Variants in TPX2 observed in about 807,000 individuals in gnomAD.
TPX2 encodes the protein targeting protein for Xklp2.
Under a neutral mutation model 93.6 loss-of-function variants are expected in TPX2, and 21 were observed. The observed-to-expected ratio is 0.22, with a 90% confidence interval of 0.16 to 0.32. The LOEUF (loss-of-function observed/expected upper bound fraction) is 0.32, where lower values mean the gene tolerates loss of function less well. TPX2 is among the 10% of genes least tolerant of loss of function. The pLI is 1.00. For synonymous variants in TPX2, 281 were observed against 298.3 expected (o/e 0.94, Z 0.60); for missense variants, 776 against 871.1 (o/e 0.89, Z 1.37).
At chr20:31,792,974 A>AT (rs1052207909) in intron 13 of TPX2, 144 bp downstream of exon 13, 22 of 711,020 alleles carry the variant, frequency 3.1e-5, no homozygotes, top group South Asian at 5.7e-5. Context: ...ACATTTGTTC[A>AT]TTTTTTTTGT....
intron 2 of TPX2, among the ~76,000 whole-genome samples, chr20:31,755,685 C>T (rs1316510975): frequency 3.3e-5 from 5 of 151,516 alleles, no homozygotes; most frequent in Admixed American, 6.6e-5. Context: ...TGCTTGAACC[C>T]GGAAGGCAGA....
At chr20:31,780,396 A>G (rs569599945) in intron 10 of TPX2, among the ~76,000 whole-genome samples, 5 of 152,186 alleles carry the variant, frequency 3.3e-5, no homozygotes, top group African/African-American at 1.2e-4. Flanking sequence ...TAGTGGCCAA[A>G]ATGATTTTGT....
At chr20:31,762,555 G>A (rs553539226) in intron 4 of TPX2, among the ~76,000 whole-genome samples, 18 of 151,916 alleles carry the variant, frequency 1.2e-4, no homozygotes, top group African/African-American at 3.9e-4. Context: ...TCGTGATGTC[G>A]GTCAGGCTGG....
chr20:31,766,993 G>A (rs1164670826), intron 5 of TPX2, among the ~76,000 whole-genome samples: 2 of 151,652 alleles, frequency 1.3e-5, no homozygotes, highest in Non-Finnish European at 2.9e-5. Flanking sequence ...GTAGAGATAG[G>A]GTTTTGCCAT....
Position 31,783,968 on chromosome 20 carries a change from C to T in TPX2, c.1413+47C>T, listed in dbSNP as rs554311248. ...CTGGCAGAAGTGTACTGCTCATGAC[C>T]AGATATCCACCCATTCACACAAAAG... On this transcript the variant is annotated intron_variant, in intron 12 of 17. Coordinates refer to ENST00000300403, the MANE Select transcript of TPX2 (RefSeq NM_012112.5). 84 of 1,587,004 alleles carry T rather than the reference C, an allele frequency of 5.3e-5. 1 individual carries two copies. The South Asian group carries it at 9.3e-4, about 18-fold the overall frequency.
At chr20:31,776,948 A>C (rs902098312) in intron 8 of TPX2, among the ~76,000 whole-genome samples, 1 of 152,186 alleles carries the variant, frequency 6.6e-6, no homozygotes, top group Non-Finnish European at 1.5e-5. Context: ...TCTAAAGGCA[A>C]AGGAAAAGAA....
intron 12 of TPX2, among the ~76,000 whole-genome samples, chr20:31,785,161 G>C (rs1600387496): frequency 6.6e-6 from 1 of 152,128 alleles, no homozygotes; most frequent in Non-Finnish European, 1.5e-5. Flanking sequence ...TTTTGATTGA[G>C]AGCTTTTTGC....
chr20:31,756,156 G>A (rs1397220268), intron 2 of TPX2, among the ~76,000 whole-genome samples: 1 of 152,192 alleles, frequency 6.6e-6, no homozygotes, highest in Non-Finnish European at 1.5e-5. Flanking sequence ...CACCTTGATG[G>A]TTGGATGGAT....
Position 31,741,375 on chromosome 20 carries a change from G to A in TPX2, c.-177-1166G>A, listed in dbSNP as rs998044650. On this transcript the variant is annotated intron_variant, in intron 1 of 17. Transcript: ENST00000300403. ...CGCCCAGGCTGGAGTGCAGTGGCGCGATTTCAGCTCACTGCAACTTCTGCC... is the reference window on the plus strand; with the variant it reads ...CGCCCAGGCTGGAGTGCAGTGGCGCAATTTCAGCTCACTGCAACTTCTGCC... Among the ~76,000 whole-genome samples, 12 of 151,356 alleles carry A rather than the reference G, an allele frequency of 7.9e-5. 1 individual carries two copies. The highest frequency in any genetic ancestry group is 1.9e-4 in the East Asian group (1 of 5,134).
Position 31,771,612 on chromosome 20 carries a change from G to A in TPX2, c.538G>A (p.Ala180Thr). The change falls in exon 7 of 18, where the codon GCT becomes ACT. Residue 180 changes from alanine (A) to threonine (T), a missense_variant. Physicochemically the swap from Ala to Thr is moderately conservative, Grantham distance 58. Transcript: ENST00000300403. ...AGAAGGCAGTGCTCATCAAGATACT[G>A]CTGAAAAGAATGCATCTTCCCCAGA... ...EEEGSAHQDT[A>T]EKNASSPEKA... The A allele has an allele frequency of 1.2e-6, 2 of 1,613,970 alleles. No individual in the cohort carries two copies.
chr20:31,754,390 T>C (rs1399921343), intron 2 of TPX2, among the ~76,000 whole-genome samples: 1 of 152,112 alleles, frequency 6.6e-6, no homozygotes, highest in Non-Finnish European at 1.5e-5. Context: ...CCCTAGTCCA[T>C]TTTGAATTGC....
chr20:31,794,319 T>A, intron 14 of TPX2, 83 bp from the exon 15 acceptor site: 1 of 1,521,688 alleles, frequency 6.6e-7, no homozygotes, highest in Non-Finnish European at 8.8e-7. Context: ...TTCCTTATTT[T>A]TCAGATTCTT....
intron 4 of TPX2, among the ~76,000 whole-genome samples, chr20:31,764,156 A>C (rs888223786): frequency 6.7e-6 from 1 of 149,430 alleles, no homozygotes; most frequent in Non-Finnish European, 1.5e-5. Flanking sequence ...GTGTACATAC[A>C]TGTACACATA....
chr20:31,792,857 T>A (rs1383097182), intron 13 of TPX2, 27 bp downstream of exon 13: 1 of 1,589,168 alleles, frequency 6.3e-7, no homozygotes, highest in Non-Finnish European at 8.6e-7. Context: ...AGGGGGGTTC[T>A]TTTTCCTTCT....
intron 12 of TPX2, among the ~76,000 whole-genome samples, chr20:31,791,575 C>T (rs1555788229): frequency 6.6e-6 from 1 of 152,230 alleles, no homozygotes; most frequent in Non-Finnish European, 1.5e-5. Context: ...TGAGCCACTG[C>T]ACCTGGCCTA....
intron 14 of TPX2, 58 bp downstream of exon 14, chr20:31,794,082 G>A (rs548458193): frequency 6.7e-7 from 1 of 1,488,302 alleles, no homozygotes; most frequent in East Asian, 2.3e-5. Context: ...CTCAAAGACA[G>A]TTTTTTCTGT....
At chr20:31,760,927 G>T (rs1243737373) in intron 4 of TPX2, among the ~76,000 whole-genome samples, 1 of 151,878 alleles carries the variant, frequency 6.6e-6, no homozygotes, top group Non-Finnish European at 1.5e-5. Flanking sequence ...TGTTTGGTTA[G>T]AACATAAGAA....
chr20:31,796,843 A>T (rs1014971424), intron 15 of TPX2, among the ~76,000 whole-genome samples: 1 of 151,912 alleles, frequency 6.6e-6, no homozygotes, highest in African/African-American at 2.4e-5. Context: ...TACCTTTAAA[A>T]TTTTTTGTTT....
rs1197526391 is a variant in TPX2 at position 31,782,383 on chromosome 20, T to C, written c.1189T>C (p.Leu397=). The C allele has an allele frequency of 1.2e-6, 2 of 1,609,638 alleles. No homozygotes were observed. Among genetic ancestry groups the C allele is most frequent in the East Asian group, 2.2e-5 (1 of 44,756 alleles). ...GCTGGAGGCTGAGGAGCTCGAGAAA[T>C]TGCAACAGTAAGTCCCACTGGCAGT... is the stretch of plus-strand genomic sequence containing the variant. The part of the protein sequence containing the change: ...AELEAEELEK[L]QQYKFKAREL... Residue 397 remains leucine, a synonymous_variant, in exon 11 of 18, where the codon TTG becomes CTG. Coordinates refer to ENST00000300403, the MANE Select transcript of TPX2 (RefSeq NM_012112.5).
Sources: gnomAD v4.1 joint callset for allele counts (sites outside exome capture counted in the v4.1 genomes callset) on GRCh38, gnomAD v4.1.1 for gene constraint, MANE v1.5 for transcripts, NCBI Gene and HGNC (gene_info 2026-07-23, HGNC 2026-07-21) for gene names.